CNTNAP5: variants seen among roughly 807,000 people sequenced by gnomAD.
The protein encoded by CNTNAP5 is contactin associated protein family member 5.
In CNTNAP5, 72 loss-of-function variants were observed where a neutral mutation model predicts 150.2. The ratio of observed to expected loss-of-function variants is 0.48; its 90% confidence interval spans 0.40 to 0.58. The LOEUF is 0.58. CNTNAP5 is among the 20% of genes least tolerant of loss of function. CNTNAP5 has a pLI of 0.00. For synonymous variants in CNTNAP5, 672 were observed against 619.8 expected (o/e 1.08, Z -1.25); for missense variants, 1,636 against 1,626.2 (o/e 1.01, Z -0.10).
At chr2:124,536,258 A>T (rs990982640) in intron 10 of CNTNAP5, among the ~76,000 whole-genome samples, 4 of 152,196 alleles carry the variant, frequency 2.6e-5, no homozygotes, top group African/African-American at 9.7e-5. Flanking sequence ...ACACTTACTG[A>T]GCAAACATTC....
chr2:124,785,704 G>A (rs760984084), intron 17 of CNTNAP5, among the ~76,000 whole-genome samples: 19 of 152,316 alleles, frequency 1.2e-4, no homozygotes, highest in Non-Finnish European at 2.1e-4. Flanking sequence ...GTAAGGGGAG[G>A]CCAGATCTCC....
At chr2:124,340,877 T>C (rs554428779) in intron 3 of CNTNAP5, among the ~76,000 whole-genome samples, 30 of 147,306 alleles carry the variant, frequency 2.0e-4, no homozygotes, top group African/African-American at 6.2e-4. Context: ...TATATACACA[T>C]ATATATATAC....
At chr2:124,275,005 T>C (rs750843361) in intron 3 of CNTNAP5, among the ~76,000 whole-genome samples, 1 of 152,104 alleles carries the variant, frequency 6.6e-6, no homozygotes, top group Admixed American at 6.6e-5. Context: ...ACAATCATGG[T>C]GGAAGGCAAG....
chr2:124,407,919 C>T (rs1355796182), intron 3 of CNTNAP5, among the ~76,000 whole-genome samples: 1 of 152,132 alleles, frequency 6.6e-6, no homozygotes. Flanking sequence ...TCTACAGCTC[C>T]CAGCGTGAGC....
intron 19 of CNTNAP5, among the ~76,000 whole-genome samples, chr2:124,856,835 C>T (rs1027055033): frequency 1.6e-4 from 24 of 152,258 alleles, no homozygotes; most frequent in African/African-American, 3.6e-4. Flanking sequence ...TCTACTTAGA[C>T]GTATACAGAG....
intron 3 of CNTNAP5, among the ~76,000 whole-genome samples, chr2:124,246,238 A>T (rs1156724183): frequency 6.6e-6 from 1 of 152,136 alleles, no homozygotes; most frequent in Non-Finnish European, 1.5e-5. Flanking sequence ...AAATAATCCT[A>T]AAAGGATACC....
chr2:124,818,911 C>T (rs1682426916), intron 19 of CNTNAP5, among the ~76,000 whole-genome samples: 1 of 152,114 alleles, frequency 6.6e-6, no homozygotes, highest in Non-Finnish European at 1.5e-5. Flanking sequence ...CTAGGATGTG[C>T]CCAGCAGGCC....
chr2:124,446,767 C>G lies in CNTNAP5; in HGVS notation c.748C>G (p.Arg250Gly), dbSNP rs767854611. 1.9e-6 allele frequency: 3 copies of G among 1,613,452 alleles called. No homozygotes were observed. In the East Asian group the frequency reaches 6.7e-5, roughly 36 times the overall value. The change falls in exon 6 of 24, where the codon CGG becomes GGG. Residue 250 changes from arginine (R) to glycine (G), a missense_variant. Coordinates refer to ENST00000682447, the MANE Select transcript of CNTNAP5 (RefSeq NM_001367498.1). The part of the protein sequence containing the change: ...LHLNLGDSKA[R>G]LSSSLPSATL... ...CCTCTTCACAGGTGACAGCAAAGCG[C>G]GGCTCAGCAGCAGCTTGCCCTCTGC...
chr2:124,665,378 G>A (rs180730329), intron 13 of CNTNAP5, among the ~76,000 whole-genome samples: 5 of 152,218 alleles, frequency 3.3e-5, no homozygotes, highest in East Asian at 1.9e-4. Flanking sequence ...TTTGGTTAAC[G>A]TCAAAATTAG....
intron 1 of CNTNAP5, among the ~76,000 whole-genome samples, chr2:124,104,641 CA>C (rs1327023813): frequency 1.3e-5 from 2 of 152,074 alleles, no homozygotes; most frequent in Non-Finnish European, 2.9e-5. Flanking sequence ...CAAAGTAAAG[CA>C]CTTTCCTATA....
intron 3 of CNTNAP5, among the ~76,000 whole-genome samples, chr2:124,413,362 G>A (rs375776083): frequency 4.0e-5 from 6 of 150,164 alleles, no homozygotes; most frequent in African/African-American, 1.2e-4. Flanking sequence ...ATCATTTGAC[G>A]CAGCCATCCC....
chr2:124,333,218 G>A (rs545286939), intron 3 of CNTNAP5, among the ~76,000 whole-genome samples: 12 of 152,136 alleles, frequency 7.9e-5, no homozygotes, highest in South Asian at 4.1e-4. Flanking sequence ...ATAGTGAGCC[G>A]TGATCGCACC....
intron 1 of CNTNAP5, among the ~76,000 whole-genome samples, chr2:124,196,049 G>A (rs550365039): frequency 6.6e-6 from 1 of 151,234 alleles, no homozygotes; most frequent in African/African-American, 2.4e-5. Flanking sequence ...TAAAATAAAT[G>A]ATACCAGGTA....
chr2:124,894,093 T>G (rs1361046201), intron 21 of CNTNAP5, among the ~76,000 whole-genome samples: 1 of 152,156 alleles, frequency 6.6e-6, no homozygotes, highest in Non-Finnish European at 1.5e-5. Flanking sequence ...GACTGTTGGT[T>G]GCCTACCCAG....
At chr2:124,750,751 C>T (rs532840826) in intron 14 of CNTNAP5, among the ~76,000 whole-genome samples, 3 of 151,904 alleles carry the variant, frequency 2.0e-5, no homozygotes, top group Non-Finnish European at 4.4e-5. Flanking sequence ...TTTGGGAGGC[C>T]GAGGTGGGCG....
intron 19 of CNTNAP5, among the ~76,000 whole-genome samples, chr2:124,822,652 C>A (rs1682515055): frequency 6.6e-6 from 1 of 152,202 alleles, no homozygotes; most frequent in Non-Finnish European, 1.5e-5. Flanking sequence ...ATCGACATCT[C>A]TAATGATTCT....
At chr2:124,587,288 A>G (rs1057411778) in intron 11 of CNTNAP5, among the ~76,000 whole-genome samples, 2 of 152,150 alleles carry the variant, frequency 1.3e-5, no homozygotes, top group Admixed American at 6.6e-5. Context: ...AGCATCCTCA[A>G]TTTATTCTGA....
chr2:124,500,352 A>G (rs996875642), intron 7 of CNTNAP5, among the ~76,000 whole-genome samples: 1 of 152,176 alleles, frequency 6.6e-6, no homozygotes, highest in Admixed American at 6.5e-5. Flanking sequence ...ATGGGGTTTT[A>G]TAGTAGCAGG....
At chr2:124,875,484 T>C (rs1677835116) in intron 21 of CNTNAP5, among the ~76,000 whole-genome samples, 1 of 152,046 alleles carries the variant, frequency 6.6e-6, no homozygotes, top group African/African-American at 2.4e-5. Context: ...AACCATTGTG[T>C]GACCTTGGTG....
Sources: gnomAD v4.1 joint callset for allele counts (sites outside exome capture counted in the v4.1 genomes callset) on GRCh38, gnomAD v4.1.1 for gene constraint, MANE v1.5 for transcripts, NCBI Gene and HGNC (gene_info 2026-07-23, HGNC 2026-07-21) for gene names.